The following AMPH variants were observed in gnomAD, a reference collection of about 807,000 sequenced individuals.
AMPH encodes the protein amphiphysin (Stiff-Mann syndrome with breast cancer 128kD autoantigen).
A neutral mutation model predicts 99.1 loss-of-function variants in AMPH; 49 were observed. The observed-to-expected ratio is 0.49, with a 90% CI of 0.39 to 0.63. AMPH has a LOEUF of 0.63. Ranked by LOEUF, AMPH falls within the 20% of genes least tolerant of loss-of-function variation. AMPH has a pLI of 0.00. For synonymous variants in AMPH, 314 were observed against 317.3 expected (o/e 0.99, Z 0.11); for missense variants, 759 against 863.4 (o/e 0.88, Z 1.52).
At chr7:38,533,440 T>C (rs1790487376) in intron 2 of AMPH, among the ~76,000 whole-genome samples, 1 of 152,146 alleles carries the variant, frequency 6.6e-6, no homozygotes, top group Admixed American at 6.5e-5. Context: ...CAACACTTAG[T>C]CTTGGGATGA....
intron 2 of AMPH, among the ~76,000 whole-genome samples, chr7:38,527,033 G>A (rs955321795): frequency 1.5e-4 from 23 of 152,186 alleles, no homozygotes; most frequent in African/African-American, 5.5e-4. Context: ...TTCTTCCACT[G>A]AATTGTTTTT....
intron 13 of AMPH, 166 bp downstream of exon 13, chr7:38,432,023 T>A: frequency 2.8e-6 from 2 of 727,234 alleles, no homozygotes; most frequent in Non-Finnish European, 5.1e-6. Context: ...ATCTTCCGGT[T>A]CTGATAATGC....
intron 1 of AMPH, among the ~76,000 whole-genome samples, chr7:38,559,814 C>T (rs1791493411): frequency 6.6e-6 from 1 of 152,174 alleles, no homozygotes; most frequent in African/African-American, 2.4e-5. Context: ...ATTCCTGCTT[C>T]AGTATGCCGA....
intron 13 of AMPH, 169 bp from the exon 14 acceptor site, chr7:38,430,034 T>A: frequency 1.7e-6 from 1 of 599,712 alleles, no homozygotes; most frequent in Non-Finnish European, 2.8e-6. Flanking sequence ...TGTTCCAAAA[T>A]TGTTTAAGAC....
rs745383614 is a variant in AMPH at position 38,384,518 on chromosome 7, C to G, written c.*300G>C. On this transcript the variant is annotated 3_prime_UTR_variant, in exon 21 of 21. Coordinates refer to ENST00000356264, the MANE Select transcript of AMPH (RefSeq NM_001635.4). ...TGATGCAGAGAAATTAAAGTCTGAT[C>G]TGGAGAAAGCTACTTTAGAATTGGT... 36 of 275,166 alleles carry G rather than the reference C, an allele frequency of 1.3e-4. No homozygotes were observed. The highest frequency in any genetic ancestry group is 2.4e-4 in the Non-Finnish European group (34 of 139,800). 17.0% of individuals were successfully genotyped at this position (275,166 alleles called of 1,614,324 possible). A position where few individuals can be genotyped will look rare whatever the true frequency, so the allele number is the denominator to read the frequency against.
chr7:38,416,102 A>AATATATATAT lies in AMPH; in HGVS notation c.1398+1713_1398+1722dup, dbSNP rs5883648. ...AGTTTAAACAATGATCAAACATATG[A>AATATATATAT]ATATATATATATATATATATATATT... On this transcript the variant is annotated intron_variant, in intron 17 of 20. Coordinates refer to ENST00000356264, the MANE Select transcript of AMPH (RefSeq NM_001635.4). Among the ~76,000 whole-genome samples, 478 of 100,478 alleles carry AATATATATAT rather than the reference A, an allele frequency of 4.8e-3. 21 individuals are homozygous for AATATATATAT. The highest frequency in any genetic ancestry group is 0.016 in the African/African-American group (447 of 27,846). The allele number at this position is 100,478 out of a possible 152,430, so 65.9% of individuals were successfully genotyped here. A position where few individuals can be genotyped will look rare whatever the true frequency, so the allele number is the denominator to read the frequency against.
At chr7:38,541,170 GATTCATTC>G (rs1790796882) in intron 1 of AMPH, among the ~76,000 whole-genome samples, 2 of 151,950 alleles carry the variant, frequency 1.3e-5, no homozygotes, top group South Asian at 4.2e-4. Context: ...ATGTCCAGAT[GATTCATTC>G]ATTCATCAGT....
intron 1 of AMPH, among the ~76,000 whole-genome samples, chr7:38,593,889 T>C (rs1357757569): frequency 6.6e-6 from 1 of 152,038 alleles, no homozygotes; most frequent in East Asian, 1.9e-4. Context: ...CAGACAAAGC[T>C]GGCGGGAGGG....
intron 1 of AMPH, among the ~76,000 whole-genome samples, chr7:38,625,356 C>A (rs986016701): frequency 6.6e-6 from 1 of 152,028 alleles, no homozygotes; most frequent in South Asian, 2.1e-4. Flanking sequence ...TCTGATGAAG[C>A]AAGAAGAAAC....
At chr7:38,558,954 G>T (rs540420282) in intron 1 of AMPH, among the ~76,000 whole-genome samples, 1 of 152,218 alleles carries the variant, frequency 6.6e-6, no homozygotes, top group Admixed American at 6.5e-5. Context: ...ATCTATACTG[G>T]CAGCAACATA....
At chr7:38,542,814 G>T (rs939892026) in intron 1 of AMPH, among the ~76,000 whole-genome samples, 1 of 152,038 alleles carries the variant, frequency 6.6e-6, no homozygotes, top group African/African-American at 2.4e-5. Context: ...AAGAAAAATT[G>T]TCCGGGTGCA....
chr7:38,618,179 C>T (rs1793937284), intron 1 of AMPH, among the ~76,000 whole-genome samples: 1 of 151,954 alleles, frequency 6.6e-6, no homozygotes, highest in African/African-American at 2.4e-5. Flanking sequence ...AGTATAAATG[C>T]ATTATTGCTT....
intron 17 of AMPH, among the ~76,000 whole-genome samples, chr7:38,394,777 C>A (rs1584033246): frequency 6.6e-6 from 1 of 152,216 alleles, no homozygotes; most frequent in African/African-American, 2.4e-5. Flanking sequence ...TGTCCCCACT[C>A]CCTCTTTTCA....
intron 11 of AMPH, among the ~76,000 whole-genome samples, chr7:38,441,803 T>TATATATGATATATATC (rs1786540279): frequency 1.6e-3 from 104 of 64,314 alleles, no homozygotes; most frequent in African/African-American, 6.5e-3. Flanking sequence ...ATATATCATA[T>TATATATGATATATATC]ATATATCATA....
chr7:38,422,389 C>A, intron 16 of AMPH, 32 bp downstream of exon 16: 1 of 1,586,380 alleles, frequency 6.3e-7, no homozygotes. Context: ...TAACTAACAA[C>A]TTCCTGAGAG....
chr7:38,596,761 C>T (rs1391260282), intron 1 of AMPH, among the ~76,000 whole-genome samples: 1 of 152,192 alleles, frequency 6.6e-6, no homozygotes, highest in Non-Finnish European at 1.5e-5. Flanking sequence ...TGACAAATCT[C>T]ACCAATTCTA....
chr7:38,411,370 G>A (rs943766313), intron 17 of AMPH, among the ~76,000 whole-genome samples: 18 of 152,288 alleles, frequency 1.2e-4, no homozygotes, highest in Middle Eastern at 6.8e-3. Context: ...CTTGAGCACC[G>A]ATGCTGGAAC....
chr7:38,570,467 G>A (rs998507697), intron 1 of AMPH, among the ~76,000 whole-genome samples: 2 of 152,018 alleles, frequency 1.3e-5, no homozygotes, highest in African/African-American at 4.8e-5. Context: ...AGATTGTAGT[G>A]GAGCTGAAAA....
rs112839229 is a variant in AMPH, at chr7:38,387,729, A to G, written c.1980+2075T>C. The stretch of plus-strand genomic sequence containing the variant: ...TTAAAGATAAAAAGCAAATGTAGTG[A>G]AAAACATTAGGTTACAAGTCTAAGG... On this transcript the variant is annotated intron_variant, in intron 20 of 20. Coordinates refer to ENST00000356264, the MANE Select transcript of AMPH (RefSeq NM_001635.4). 3.9e-4 allele frequency among the ~76,000 whole-genome samples: 60 copies of G among 152,006 alleles called. 1 individual carries two copies. Among genetic ancestry groups the G allele is most frequent in the Middle Eastern group, 3.4e-3 (1 of 294 alleles).
Sources: allele counts gnomAD v4.1 joint callset (sites outside exome capture counted in the v4.1 genomes callset), GRCh38; gene constraint gnomAD v4.1.1; transcripts MANE v1.5; gene names NCBI Gene and HGNC (gene_info 2026-07-23, HGNC 2026-07-21).